Variants in FAT3 observed in about 807,000 individuals in gnomAD.
FAT3 encodes FAT atypical cadherin 3, also known as protocadherin Fat 3.
FAT3 carries 95 observed loss-of-function variants against 310.2 expected under a neutral mutation model. The ratio of observed to expected loss-of-function variants is 0.31; its 90% CI spans 0.26 to 0.36. FAT3 has a LOEUF of 0.36. Among genes scored for constraint, FAT3 ranks in the 10% least tolerant of loss-of-function variants. FAT3 has a pLI of 1.00. For missense variants in FAT3, 5,408 were observed against 5,715.6 expected, an observed-to-expected ratio of 0.95 and a Z score of 1.74; for synonymous variants, 2,314 against 2,192.9, an observed-to-expected ratio of 1.06 and a Z score of -1.54.
At chr11:92,765,405 T>G (rs907305554) in intron 6 of FAT3, among the ~76,000 whole-genome samples, 13 of 152,190 alleles carry the variant, frequency 8.5e-5, no homozygotes. Flanking sequence ...TCTAAATGTA[T>G]TGATGGTACT....
intron 10 of FAT3, among the ~76,000 whole-genome samples, chr11:92,804,853 AT>A (rs748545180): frequency 2.0e-5 from 3 of 152,212 alleles, no homozygotes; most frequent in Non-Finnish European, 4.4e-5. Flanking sequence ...AAGACGATTG[AT>A]TGTTCACAGT....
chr11:92,805,455 G>A, intron 11 of FAT3, 106 bp downstream of exon 11: 1 of 1,212,518 alleles, frequency 8.2e-7, no homozygotes, highest in Non-Finnish European at 1.1e-6. Flanking sequence ...GCTCTTATCT[G>A]CAATTGGGTG....
chr11:92,442,980 A>G (rs779208884), intron 2 of FAT3, among the ~76,000 whole-genome samples: 13 of 152,336 alleles, frequency 8.5e-5, no homozygotes, highest in Admixed American at 2.0e-4. Context: ...CCCTTTAACA[A>G]TTCGACACGA....
chr11:92,689,097 A>C (rs1943720004), intron 3 of FAT3, among the ~76,000 whole-genome samples: 1 of 152,208 alleles, frequency 6.6e-6, no homozygotes, highest in Non-Finnish European at 1.5e-5. Context: ...TATTTAATTT[A>C]GTAAGCTTCA....
chr11:92,373,933 G>A (rs965476431), intron 2 of FAT3, among the ~76,000 whole-genome samples: 3 of 151,856 alleles, frequency 2.0e-5, no homozygotes, highest in Admixed American at 6.6e-5. Flanking sequence ...GAGGGATGCC[G>A]GTAGCATGGG....
intron 2 of FAT3, among the ~76,000 whole-genome samples, chr11:92,411,691 C>T (rs186616155): frequency 9.1e-4 from 138 of 152,104 alleles, no homozygotes; most frequent in African/African-American, 3.1e-3. Flanking sequence ...AAGCAAAGTT[C>T]GCAAAGTCAT....
At chr11:92,331,429 A>G (rs560113424) in intron 1 of FAT3, among the ~76,000 whole-genome samples, 3 of 152,170 alleles carry the variant, frequency 2.0e-5, no homozygotes, top group Admixed American at 6.5e-5. Context: ...TGGCAGAAGC[A>G]CATGAAATGC....
intron 1 of FAT3, among the ~76,000 whole-genome samples, chr11:92,265,980 G>A (rs1469239398): frequency 6.6e-6 from 1 of 152,032 alleles, no homozygotes; most frequent in East Asian, 1.9e-4. Flanking sequence ...TTCTACCTTG[G>A]CCTTTTCAAG....
chr11:92,339,785 G>T (rs551740077), intron 1 of FAT3, among the ~76,000 whole-genome samples: 1 of 152,030 alleles, frequency 6.6e-6, no homozygotes, highest in Non-Finnish European at 1.5e-5. Context: ...GGCCAGTGTC[G>T]CTGGAAAGCA....
chr11:92,353,076 A>T lies in FAT3; in HGVS notation c.964A>T (p.Asn322Tyr), dbSNP rs1190409705. 4 of 1,613,624 alleles carry T rather than the reference A, an allele frequency of 2.5e-6. No individual in the cohort carries two copies. In the East Asian group the frequency reaches 8.9e-5, roughly 36 times the overall value. ...FFLAKEGKWLNEYKIKERKQI... is the reference protein window; with the variant it reads ...FFLAKEGKWLYEYKIKERKQI... Reference sequence around the variant, plus strand: ...CCTGGCTAAGGAAGGAAAGTGGTTGAATGAGTACAAGATTAAGGAGAGGAA... The same window carrying T: ...CCTGGCTAAGGAAGGAAAGTGGTTGTATGAGTACAAGATTAAGGAGAGGAA... Residue 322 changes from asparagine (N) to tyrosine (Y), a missense_variant, in exon 2 of 28, where the codon AAT (asparagine) becomes TAT (tyrosine). Around this residue, in one of 5 missense-constraint regions of FAT3, gnomAD observed 4,588 missense variants for 4,809.8 expected, o/e 0.95. Transcript: ENST00000525166.
chr11:92,413,556 A>G (rs1229269787), intron 2 of FAT3, among the ~76,000 whole-genome samples: 2 of 152,076 alleles, frequency 1.3e-5, no homozygotes, highest in African/African-American at 4.8e-5. Flanking sequence ...GAAGGGGATA[A>G]AGGAAAGGTT....
At position 92,792,782 on chromosome 11, in the gene FAT3, T is replaced by C; in HGVS notation, c.4627T>C (p.Phe1543Leu). The C allele has an allele frequency of 6.2e-7, 1 of 1,613,510 alleles. No homozygotes were observed. Among genetic ancestry groups the C allele is most frequent in the Non-Finnish European group, 8.5e-7 (1 of 1,179,670 alleles). ...ILNIMVRDQE[F>L]PYRRNLARVI... ...TTGCCTAAAGGTCAGAGATCAGGAG[T>C]TTCCTTATCGAAGAAACTTGGCCCG... The change falls in exon 9 of 28, where the codon TTT (phenylalanine) becomes CTT (leucine). Residue 1543 changes from phenylalanine to leucine, a missense_variant. By Grantham distance (22) the Phe-to-Leu change is conservative. Transcript: ENST00000525166.
chr11:92,746,486 A>T lies in FAT3; in HGVS notation c.3670-15370A>T, dbSNP rs143833843. ...GGGGATTATTACAATTCAAGGTGAG[A>T]TTTGGGTGGGGATATGGCCAAATCA... On this transcript the variant is annotated intron_variant, in intron 4 of 27. Coordinates refer to ENST00000525166, the MANE Select transcript of FAT3 (RefSeq NM_001367949.2). Among the ~76,000 whole-genome samples the T allele has an allele frequency of 6.3e-3, 965 of 152,266 alleles. 5 individuals are homozygous for T. The highest frequency in any genetic ancestry group is 0.022 in the African/African-American group (905 of 41,540).
At chr11:92,255,044 A>T (rs1330413571) in intron 1 of FAT3, among the ~76,000 whole-genome samples, 1 of 152,208 alleles carries the variant, frequency 6.6e-6, no homozygotes, top group Non-Finnish European at 1.5e-5. Flanking sequence ...TTGGATCAAC[A>T]TTTCTACTGA....
At chr11:92,563,697 A>G (rs1338356944) in intron 3 of FAT3, among the ~76,000 whole-genome samples, 6 of 152,160 alleles carry the variant, frequency 3.9e-5, no homozygotes, top group Non-Finnish European at 7.3e-5. Flanking sequence ...TCTCGGCAGA[A>G]ACTCTACAAG....
chr11:92,405,793 GA>G (rs1950124589), intron 2 of FAT3, among the ~76,000 whole-genome samples: 1 of 152,126 alleles, frequency 6.6e-6, no homozygotes, highest in Non-Finnish European at 1.5e-5. Context: ...ACATTTGGAG[GA>G]CTTTTAGAAA....
chr11:92,862,611 A>G (rs906390244), intron 21 of FAT3, among the ~76,000 whole-genome samples: 1 of 152,188 alleles, frequency 6.6e-6, no homozygotes, highest in African/African-American at 2.4e-5. Flanking sequence ...TTTGGTTTGT[A>G]AAACAGCCCA....
intron 7 of FAT3, among the ~76,000 whole-genome samples, chr11:92,783,640 C>G (rs918903464): frequency 6.6e-5 from 10 of 151,966 alleles, no homozygotes; most frequent in Non-Finnish European, 1.3e-4. Context: ...GGACTCATCT[C>G]TACAAAACAA....
intron 3 of FAT3, among the ~76,000 whole-genome samples, chr11:92,687,343 T>C (rs536209757): frequency 6.6e-6 from 1 of 152,336 alleles, no homozygotes; most frequent in South Asian, 2.1e-4. Flanking sequence ...GAGCCAGGAC[T>C]TAGACCCAAG....
Sources: gnomAD v4.1 joint callset for allele counts (sites outside exome capture counted in the v4.1 genomes callset) on GRCh38, gnomAD v4.1.1 for gene constraint, gnomAD v4.1.1 regional missense constraint, MANE v1.5 for transcripts, NCBI Gene and HGNC (gene_info 2026-07-23, HGNC 2026-07-21) for gene names.